The following STAU1 variants were observed in gnomAD, a reference collection of about 807,000 sequenced individuals.
The protein encoded by STAU1 is double-stranded RNA-binding protein Staufen homolog 1.
Under a neutral mutation model 62.9 loss-of-function variants are expected in STAU1, and 13 were observed. That is an observed-to-expected ratio of 0.21 (90% confidence interval 0.13 to 0.33). The LOEUF is 0.33. STAU1 is among the 10% of genes least tolerant of loss of function. STAU1 has a pLI of 1.00. For synonymous variants in STAU1, 269 were observed against 265.1 expected, an observed-to-expected ratio of 1.01 and a Z score of -0.14; for missense variants, 571 against 712.1, an observed-to-expected ratio of 0.80 and a Z score of 2.25.
At chr20:49,145,396 C>T (rs1316520897) in intron 5 of STAU1, among the ~76,000 whole-genome samples, 4 of 132,674 alleles carry the variant, frequency 3.0e-5, no homozygotes, top group Non-Finnish European at 4.6e-5. Context: ...TGCACTCCAG[C>T]CTGGGCAACA....
Position 49,166,028 on chromosome 20 carries a change from A to G in STAU1, c.174T>C (p.Ser58=). ...GRPIQNSALP[S]ASITSTSAAA... The stretch of plus-strand genomic sequence containing the variant: ...CTGCACTGGTGGATGTAATAGATGC[A>G]GAGGGTAAAGCAGAGTTTTGAATGG... The change falls in exon 3 of 14, where the codon TCT becomes TCC. Residue 58 remains serine (S), a synonymous_variant. Coordinates refer to ENST00000371856, the MANE Select transcript of STAU1 (RefSeq NM_017453.4). The G allele has an allele frequency of 6.2e-7, 1 of 1,614,244 alleles. No individual in the cohort carries two copies. The highest frequency in any genetic ancestry group is 1.1e-5 in the South Asian group (1 of 91,090).
chr20:49,159,108 T>C, intron 3 of STAU1: 1 of 1,126,706 alleles, frequency 8.9e-7, no homozygotes, highest in South Asian at 2.1e-5. Flanking sequence ...TGGGTCATCT[T>C]GGTGATTGTC....
intron 3 of STAU1, among the ~76,000 whole-genome samples, chr20:49,163,941 T>A (rs2093487775): frequency 6.6e-6 from 1 of 151,792 alleles, no homozygotes. Flanking sequence ...ATTTTTAAAT[T>A]GGCCTCGCAG....
the STAU1 span, among the ~76,000 whole-genome samples, chr20:49,205,120 T>A: frequency 6.6e-6 from 1 of 152,170 alleles, no homozygotes; most frequent in Non-Finnish European, 1.5e-5. Context: ...TTCTCAAATT[T>A]AATACCAAGT....
intron 2 of STAU1, among the ~76,000 whole-genome samples, chr20:49,171,926 A>AC (rs1372678822): frequency 6.6e-6 from 1 of 152,086 alleles, no homozygotes; most frequent in Non-Finnish European, 1.5e-5. Context: ...TTTAAAAAAA[A>AC]AAAAAAAAAG....
In STAU1 at chr20:49,160,851, T is replaced by A. The variant is rs139969735; in HGVS notation, c.205+5146A>T. On this transcript the variant is annotated intron_variant, in intron 3 of 13. Coordinates refer to ENST00000371856, the MANE Select transcript of STAU1 (RefSeq NM_017453.4). ...AACAAGTGAAAAAACTGTTTTCCCA[T>A]CACCTCTTCTCCCTGCCCTAAGGTC... Among the ~76,000 whole-genome samples the A allele has an allele frequency of 3.2e-3, 481 of 152,224 alleles. 3 individuals are homozygous for A. Among genetic ancestry groups the A allele is most frequent in the African/African-American group, 0.011 (448 of 41,542 alleles).
At chr20:49,200,425 C>G in the STAU1 span, among the ~76,000 whole-genome samples, 1 of 151,976 alleles carries the variant, frequency 6.6e-6, no homozygotes, top group African/African-American at 2.4e-5. Flanking sequence ...GGTGAAACAC[C>G]GTCTCTACTA....
intron 5 of STAU1, among the ~76,000 whole-genome samples, chr20:49,145,049 C>T (rs2093095943): frequency 6.6e-6 from 1 of 152,168 alleles, no homozygotes; most frequent in African/African-American, 2.4e-5. Flanking sequence ...AGTATACTTT[C>T]TCTCAGTTCT....
intron 1 of STAU1, among the ~76,000 whole-genome samples, chr20:49,177,113 T>C (rs1356570643): frequency 6.6e-6 from 1 of 151,992 alleles, no homozygotes; most frequent in Non-Finnish European, 1.5e-5. Context: ...GGTCTCACCA[T>C]GTTAGCCAGG....
chr20:49,199,373 G>T, the STAU1 span, among the ~76,000 whole-genome samples: 1 of 149,998 alleles, frequency 6.7e-6, no homozygotes, highest in Non-Finnish European at 1.5e-5. Context: ...TGGGACTACA[G>T]GCATGCGCCA....
intron 1 of STAU1, among the ~76,000 whole-genome samples, chr20:49,184,293 T>A (rs1011558728): frequency 1.3e-5 from 2 of 150,956 alleles, no homozygotes; most frequent in African/African-American, 2.4e-5. Context: ...AAAAAAAAAT[T>A]TTTTTTTTTA....
At chr20:49,201,943 A>G in the STAU1 span, among the ~76,000 whole-genome samples, 10 of 151,684 alleles carry the variant, frequency 6.6e-5, no homozygotes, top group Admixed American at 1.3e-4. Context: ...ACTAGAGGCC[A>G]GGCGCGGTGG....
the STAU1 span, among the ~76,000 whole-genome samples, chr20:49,211,756 C>T: frequency 6.6e-6 from 1 of 152,218 alleles, no homozygotes; most frequent in Non-Finnish European, 1.5e-5. Flanking sequence ...GATCAGCCCA[C>T]CTCAGCCTCC....
At chr20:49,145,935 T>A (rs1257531721) in intron 5 of STAU1, among the ~76,000 whole-genome samples, 1 of 151,616 alleles carries the variant, frequency 6.6e-6, no homozygotes, top group African/African-American at 2.4e-5. Flanking sequence ...AAAAGAAAAC[T>A]AGGTCCAATG....
At chr20:49,219,047 T>C in the STAU1 span, among the ~76,000 whole-genome samples, 3 of 141,104 alleles carry the variant, frequency 2.1e-5, no homozygotes, top group African/African-American at 8.1e-5. Context: ...AGACAAAAAA[T>C]TACTTAGAAT....
intron 3 of STAU1, chr20:49,158,985 A>T (rs144538583): frequency 1.5e-6 from 2 of 1,301,188 alleles, no homozygotes; most frequent in South Asian, 2.5e-5. Context: ...CTCCTTTATT[A>T]TATGTTCTGC....
chr20:49,166,239 A>G lies in STAU1; in HGVS notation c.-38T>C. 5.7e-6 allele frequency: 9 copies of G among 1,585,184 alleles called. No individual in the cohort carries two copies. Among genetic ancestry groups the G allele is most frequent in the Non-Finnish European group, 7.8e-6 (9 of 1,154,520 alleles). ...CAAAAGTGAACAAATGCAGGTAAAC[A>G]GCTTTCAGTGCAGGTTAATTCAGTG... is the stretch of plus-strand genomic sequence containing the variant. On this transcript the variant is annotated 5_prime_UTR_variant, in exon 3 of 14. Coordinates refer to ENST00000371856, the MANE Select transcript of STAU1 (RefSeq NM_017453.4).
At chr20:49,193,209 G>A (rs772525117), upstream of STAU1, among the ~76,000 whole-genome samples, 3 of 151,892 alleles carry the variant, frequency 2.0e-5, no homozygotes, top group Non-Finnish European at 4.4e-5. Context: ...AGATCCCATC[G>A]TTACTAAAAA....
intron 2 of STAU1, among the ~76,000 whole-genome samples, chr20:49,172,510 T>C (rs2093610038): frequency 6.6e-6 from 1 of 152,232 alleles, no homozygotes; most frequent in African/African-American, 2.4e-5. Flanking sequence ...TGATATTTTC[T>C]TGACTATGAA....
Sources: gnomAD v4.1 joint callset for allele counts (sites outside exome capture counted in the v4.1 genomes callset) on GRCh38, gnomAD v4.1.1 for gene constraint, MANE v1.5 for transcripts, NCBI Gene and HGNC (gene_info 2026-07-23, HGNC 2026-07-21) for gene names.